Variants in TBCEL observed in about 807,000 individuals in gnomAD.
TBCEL encodes tubulin-specific chaperone cofactor E-like protein.
Under a neutral mutation model 44.2 loss-of-function variants are expected in TBCEL, and 15 were observed. That is an observed-to-expected ratio of 0.34 (90% CI 0.23 to 0.52). The LOEUF is 0.52. Ranked by LOEUF, TBCEL falls within the 20% of genes least tolerant of loss-of-function variation. The pLI is 0.95. For synonymous variants in TBCEL, 171 were observed against 185.4 expected, an observed-to-expected ratio of 0.92 and a Z score of 0.63; for missense variants, 319 against 506.3, an observed-to-expected ratio of 0.63 and a Z score of 3.55.
At chr11:121,064,321 T>C (rs1945778493) in intron 8 of TBCEL, among the ~76,000 whole-genome samples, 1 of 152,210 alleles carries the variant, frequency 6.6e-6, no homozygotes, top group Admixed American at 6.5e-5. Flanking sequence ...AAGAGTTAAA[T>C]GGGAATATGA....
chr11:121,052,028 T>C (rs1244592551), intron 4 of TBCEL, among the ~76,000 whole-genome samples: 1 of 151,848 alleles, frequency 6.6e-6, no homozygotes, highest in Non-Finnish European at 1.5e-5. Flanking sequence ...GTTGCAACCC[T>C]GAAGCTTGTC....
At chr11:121,064,396 G>A (rs772592016) in intron 8 of TBCEL, among the ~76,000 whole-genome samples, 3 of 152,194 alleles carry the variant, frequency 2.0e-5, no homozygotes, top group Non-Finnish European at 4.4e-5. Flanking sequence ...GGGAAGTGGT[G>A]TTGCTTTTGC....
At chr11:121,060,173 T>A in intron 8 of TBCEL, 88 bp downstream of exon 8, 1 of 854,564 alleles carries the variant, frequency 1.2e-6, no homozygotes, top group Non-Finnish European at 1.9e-6. Context: ...AATCATTTGT[T>A]ATTGGACCCT....
At chr11:121,041,453 C>T (rs115419100) in intron 2 of TBCEL, among the ~76,000 whole-genome samples, 2,190 of 152,200 alleles carry the variant, frequency 0.014, 57 homozygotes, top group African/African-American at 0.05. Context: ...TTCACAGGGC[C>T]ACTTCACAAC....
chr11:121,030,414 T>C (rs1376127188), intron 1 of TBCEL, among the ~76,000 whole-genome samples: 2 of 152,140 alleles, frequency 1.3e-5, no homozygotes, highest in East Asian at 1.9e-4. Context: ...AAAAGATCAC[T>C]TGGCTGCTTT....
intron 2 of TBCEL, among the ~76,000 whole-genome samples, chr11:121,043,642 T>C (rs1945373568): frequency 6.6e-6 from 1 of 152,044 alleles, no homozygotes; most frequent in South Asian, 2.1e-4. Context: ...TTTTAAGATA[T>C]AAAATCTTGA....
intron 3 of TBCEL, among the ~76,000 whole-genome samples, chr11:121,046,632 T>C (rs1332343519): frequency 6.6e-6 from 1 of 152,072 alleles, no homozygotes; most frequent in Admixed American, 6.6e-5. Context: ...AATATGTTGC[T>C]GAAAGTAGCA....
In TBCEL at chr11:121,089,294, A is replaced by G. The variant is rs1047162918; in HGVS notation, c.*2198A>G. The G allele has an allele frequency of 1.3e-5, 2 of 152,180 alleles. No individual in the cohort carries two copies. Among genetic ancestry groups the G allele is most frequent in the Non-Finnish European group, 2.9e-5 (2 of 68,010 alleles). 9.4% of individuals were successfully genotyped at this position (152,180 alleles called of 1,614,324 possible). A position where few individuals can be genotyped will look rare whatever the true frequency, so the allele number is the denominator to read the frequency against. On this transcript the variant is annotated 3_prime_UTR_variant, in exon 9 of 9. Coordinates refer to ENST00000683345, the MANE Select transcript of TBCEL (RefSeq NM_001363644.2). ...AAGTTTTATGAAATGCTTTTTTACT[A>G]TTAGAGACCTGTTTCTTCTGTTATT...
At chr11:121,038,106 C>T (rs980157159) in intron 2 of TBCEL, among the ~76,000 whole-genome samples, 9 of 151,902 alleles carry the variant, frequency 5.9e-5, no homozygotes, top group Admixed American at 4.6e-4. Flanking sequence ...ACTACAGGCA[C>T]GTGCCACCAT....
chr11:121,069,017 C>G (rs1442019866), intron 8 of TBCEL, among the ~76,000 whole-genome samples: 2 of 152,184 alleles, frequency 1.3e-5, no homozygotes, highest in African/African-American at 4.8e-5. Flanking sequence ...CTGCTTCATT[C>G]TCTCCCTCGC....
chr11:121,048,294 T>A (rs1278000588), intron 4 of TBCEL, among the ~76,000 whole-genome samples: 5 of 151,972 alleles, frequency 3.3e-5, no homozygotes, highest in African/African-American at 1.2e-4. Flanking sequence ...ACAACTTTTC[T>A]TATATTATCA....
chr11:121,083,797 T>C (rs977325535), intron 8 of TBCEL, among the ~76,000 whole-genome samples: 1 of 152,216 alleles, frequency 6.6e-6, no homozygotes, highest in Non-Finnish European at 1.5e-5. Flanking sequence ...CTGTTTCTTA[T>C]TTCTCATTTT....
chr11:121,069,206 G>C (rs992583179), intron 8 of TBCEL, among the ~76,000 whole-genome samples: 1 of 152,150 alleles, frequency 6.6e-6, no homozygotes, highest in African/African-American at 2.4e-5. Context: ...TATAGGAGTA[G>C]GGACTGTTTC....
At chr11:121,072,024 G>A (rs1359271382) in intron 8 of TBCEL, among the ~76,000 whole-genome samples, 3 of 152,160 alleles carry the variant, frequency 2.0e-5, no homozygotes, top group African/African-American at 7.2e-5. Flanking sequence ...TGAGTCTGAG[G>A]AGAAACAAAA....
intron 8 of TBCEL, among the ~76,000 whole-genome samples, chr11:121,070,868 C>T (rs1945917677): frequency 6.7e-6 from 1 of 150,224 alleles, no homozygotes. Context: ...TGAGAGAGAC[C>T]CAGAGACTTA....
Position 121,055,059 on chromosome 11 carries a change from G to C in TBCEL, c.463G>C (p.Glu155Gln). The change falls in exon 6 of 9, where the codon GAG becomes CAG. Residue 155 changes from glutamate (E) to glutamine (Q), a missense_variant. Physicochemically the swap from Glu to Gln is conservative, Grantham distance 29. Coordinates refer to ENST00000683345, the MANE Select transcript of TBCEL (RefSeq NM_001363644.2). ...TTCCTTTTTTCTCTGCAGTTTGGAG[G>C]AGCTCTTCCTGTGCCTTAATGACTA... The part of the protein sequence containing the change: ...MILQELPDLE[E>Q]LFLCLNDYET... 1 of 1,485,864 alleles carries C rather than the reference G, an allele frequency of 6.7e-7. No individual in the cohort carries two copies. Among genetic ancestry groups the C allele is most frequent in the Admixed American group, 2.1e-5 (1 of 46,708 alleles). 92.0% of individuals were successfully genotyped at this position (1,485,864 alleles called of 1,614,324 possible). A position where few individuals can be genotyped will look rare whatever the true frequency, so the allele number is the denominator to read the frequency against.
At chr11:121,056,281 T>G (rs924061749) in intron 6 of TBCEL, among the ~76,000 whole-genome samples, 1 of 151,878 alleles carries the variant, frequency 6.6e-6, no homozygotes, top group African/African-American at 2.4e-5. Context: ...TGCCTTTAAG[T>G]CCTCCATGCC....
intron 4 of TBCEL, among the ~76,000 whole-genome samples, chr11:121,048,581 A>G (rs75552195): frequency 0.027 from 4,077 of 151,948 alleles, 146 homozygotes; most frequent in African/African-American, 0.078. Context: ...TCCTGGATCC[A>G]GCTTTATTCT....
In TBCEL at chr11:121,055,146, A is replaced by G. The variant is rs1231138230; in HGVS notation, c.550A>G (p.Asn184Asp). ...TCTTAAGCTACTACATATAACAGACAATAACCTCCAAGACTGGACTGAAAT... is the reference window on the plus strand; with the variant it reads ...TCTTAAGCTACTACATATAACAGACGATAACCTCCAAGACTGGACTGAAAT... The part of the protein sequence containing the change: ...HSLKLLHITD[N>D]NLQDWTEIRK... Residue 184 changes from asparagine (N) to aspartate (D), a missense_variant, in exon 6 of 9, where the codon AAT becomes GAT. Physicochemically the swap from Asn to Asp is conservative, Grantham distance 23. Transcript: ENST00000683345. 1 of 1,611,950 alleles carries G rather than the reference A, an allele frequency of 6.2e-7. No homozygotes were observed.
Sources: gnomAD v4.1 joint callset for allele counts (sites outside exome capture counted in the v4.1 genomes callset) on GRCh38, gnomAD v4.1.1 for gene constraint, MANE v1.5 for transcripts, NCBI Gene and HGNC (gene_info 2026-07-23, HGNC 2026-07-21) for gene names.